SSBP2: variants seen among roughly 807,000 people sequenced by gnomAD.
SSBP2 encodes the protein single stranded DNA binding protein 2.
A neutral mutation model predicts 61.8 loss-of-function variants in SSBP2; 17 were observed. That is an observed-to-expected ratio of 0.28 (90% CI 0.19 to 0.41). The LOEUF is 0.41. Among genes scored for constraint, SSBP2 ranks in the 10% least tolerant of loss-of-function variants. The probability of loss-of-function intolerance (pLI) is 1.00; values close to 1 mark genes in which losing one functional copy is unlikely to be tolerated. For synonymous variants in SSBP2, 139 were observed against 141.3 expected (o/e 0.98, Z 0.12); for missense variants, 310 against 458.7 (o/e 0.68, Z 2.96).
chr5:81,442,701 GT>G lies in SSBP2; in HGVS notation c.800del (p.Asn267ThrfsTer5). The G allele has an allele frequency of 6.3e-7, 1 of 1,576,782 alleles. No individual in the cohort carries two copies. Among genetic ancestry groups the G allele is most frequent in the Admixed American group, 1.8e-5 (1 of 55,072 alleles). On this transcript the variant is annotated frameshift_variant, in exon 13 of 17. Transcript: ENST00000320672. LOFTEE classifies it high-confidence loss of function. Reference sequence around the variant, plus strand: ...GTACTGCATTCATTAAAGTATACATGTTATCACCAGAGTTGGTTGAATCTGA... The same window carrying G: ...GTACTGCATTCATTAAAGTATACATGTATCACCAGAGTTGGTTGAATCTGA...
intron 8 of SSBP2, among the ~76,000 whole-genome samples, chr5:81,473,288 G>C (rs527281086): frequency 6.6e-6 from 1 of 152,212 alleles, no homozygotes; most frequent in East Asian, 1.9e-4. Context: ...AGTGCAGAAC[G>C]TGTAGGTTTG....
chr5:81,456,348 G>GC (rs1554067570), intron 10 of SSBP2, among the ~76,000 whole-genome samples: 3 of 135,928 alleles, frequency 2.2e-5, no homozygotes, highest in Non-Finnish European at 4.8e-5. Context: ...AACTATTTCT[G>GC]CCTTTTTTTT....
At chr5:81,508,294 T>A (rs1768333673) in intron 5 of SSBP2, among the ~76,000 whole-genome samples, 1 of 152,156 alleles carries the variant, frequency 6.6e-6, no homozygotes, top group Non-Finnish European at 1.5e-5. Context: ...AGAAAGCTGC[T>A]CTAAAGTCAT....
At chr5:81,459,792 T>C (rs2153996450) in intron 10 of SSBP2, among the ~76,000 whole-genome samples, 1 of 152,328 alleles carries the variant, frequency 6.6e-6, no homozygotes, top group Admixed American at 6.5e-5. Flanking sequence ...TAATAGATCA[T>C]AAGAAGTAAA....
At chr5:81,645,124 A>T (rs796633862) in intron 2 of SSBP2, among the ~76,000 whole-genome samples, 1 of 152,376 alleles carries the variant, frequency 6.6e-6, no homozygotes, top group African/African-American at 2.4e-5. Context: ...AAGTATTGTT[A>T]CAATTATCAT....
At chr5:81,592,568 T>A (rs1229414124) in intron 4 of SSBP2, among the ~76,000 whole-genome samples, 1 of 152,066 alleles carries the variant, frequency 6.6e-6, no homozygotes, top group East Asian at 1.9e-4. Flanking sequence ...GACCCCTGAG[T>A]AGCCTAAGTG....
intron 3 of SSBP2, among the ~76,000 whole-genome samples, chr5:81,628,312 G>A (rs1747381048): frequency 6.6e-6 from 1 of 152,166 alleles, no homozygotes; most frequent in Non-Finnish European, 1.5e-5. Context: ...AGAATAGCAT[G>A]GGGGAATCGC....
chr5:81,702,489 G>A (rs974056020), intron 1 of SSBP2, among the ~76,000 whole-genome samples: 1 of 152,120 alleles, frequency 6.6e-6, no homozygotes, highest in Non-Finnish European at 1.5e-5. Context: ...CAAAGCAATA[G>A]AAACAAAATA....
At chr5:81,504,301 T>C (rs1316250235) in intron 5 of SSBP2, among the ~76,000 whole-genome samples, 3 of 152,176 alleles carry the variant, frequency 2.0e-5, no homozygotes, top group Non-Finnish European at 4.4e-5. Context: ...CTAATCTCCA[T>C]GTGCAGCCAG....
rs1471511617 is a variant in SSBP2 at position 81,428,610 on chromosome 5, A to G, written c.1031T>C (p.Phe344Ser). Residue 344 changes from phenylalanine to serine, a missense_variant, in exon 16 of 17, where the codon TTC becomes TCC. Phe to Ser is a radical substitution (Grantham distance 155, BLOSUM62 -2). Coordinates refer to ENST00000320672, the MANE Select transcript of SSBP2 (RefSeq NM_012446.5). ...ACTCTCACTCTGAAAAGGATTTAAGAAATTTCCCCCCATTTCGCCATCATC... is the reference window on the plus strand; with the variant it reads ...ACTCTCACTCTGAAAAGGATTTAAGGAATTTCCCCCCATTTCGCCATCATC... 1 of 1,613,292 alleles carries G rather than the reference A, an allele frequency of 6.2e-7. No individual in the cohort carries two copies. Among genetic ancestry groups the G allele is most frequent in the Non-Finnish European group, 8.5e-7 (1 of 1,179,396 alleles).
At chr5:81,544,626 C>A (rs938448242) in intron 4 of SSBP2, among the ~76,000 whole-genome samples, 2 of 151,646 alleles carry the variant, frequency 1.3e-5, no homozygotes, top group Non-Finnish European at 2.9e-5. Flanking sequence ...AGGGGGAGAA[C>A]AAAACTAAGA....
chr5:81,748,328 T>A (rs140518174), intron 1 of SSBP2, among the ~76,000 whole-genome samples: 1 of 152,338 alleles, frequency 6.6e-6, no homozygotes, highest in Non-Finnish European at 1.5e-5. Flanking sequence ...CTTCACCTTT[T>A]ATAATCTGTT....
chr5:81,593,091 G>C (rs958282573), intron 4 of SSBP2, among the ~76,000 whole-genome samples: 3 of 151,734 alleles, frequency 2.0e-5, no homozygotes, highest in Non-Finnish European at 2.9e-5. Context: ...TAAAAGCTTT[G>C]AAAAAAAATC....
chr5:81,677,874 C>G (rs974685167), intron 1 of SSBP2, among the ~76,000 whole-genome samples: 1 of 150,824 alleles, frequency 6.6e-6, no homozygotes, highest in African/African-American at 2.4e-5. Flanking sequence ...TCCAGGGGCA[C>G]CAGCTCACCA....
intron 1 of SSBP2, among the ~76,000 whole-genome samples, chr5:81,729,512 A>G (rs1345868127): frequency 6.6e-6 from 1 of 152,182 alleles, no homozygotes; most frequent in Non-Finnish European, 1.5e-5. Context: ...GAGTAAATGA[A>G]TGAATGTCAA....
chr5:81,599,950 G>A (rs1031189132), intron 4 of SSBP2, among the ~76,000 whole-genome samples: 15 of 151,806 alleles, frequency 9.9e-5, no homozygotes, highest in African/African-American at 3.6e-4. Flanking sequence ...ACATTTTATT[G>A]TAATTACCTG....
At chr5:81,692,408 T>C (rs1753276464) in intron 1 of SSBP2, among the ~76,000 whole-genome samples, 2 of 152,146 alleles carry the variant, frequency 1.3e-5, no homozygotes, top group South Asian at 2.1e-4. Flanking sequence ...GAAGAATCAA[T>C]ATTGCTAAAA....
intron 4 of SSBP2, among the ~76,000 whole-genome samples, chr5:81,520,651 G>T (rs893496338): frequency 1.3e-5 from 2 of 151,836 alleles, no homozygotes; most frequent in Admixed American, 1.3e-4. Context: ...TTTTTTTGTG[G>T]TCTAATCAAT....
At chr5:81,499,745 C>T (rs1370233161) in intron 5 of SSBP2, among the ~76,000 whole-genome samples, 2 of 152,084 alleles carry the variant, frequency 1.3e-5, no homozygotes, top group Non-Finnish European at 2.9e-5. Context: ...CAAAAAGATG[C>T]TAAAACAATA....
Sources: allele counts gnomAD v4.1 joint callset (sites outside exome capture counted in the v4.1 genomes callset), GRCh38; gene constraint gnomAD v4.1.1; transcripts MANE v1.5; gene names NCBI Gene and HGNC (gene_info 2026-07-23, HGNC 2026-07-21).